The following CREB5 variants were observed in gnomAD, a reference collection of about 807,000 sequenced individuals.
CREB5 encodes cAMP responsive element binding protein 5.
In CREB5, 19 loss-of-function variants were observed where a neutral mutation model predicts 57.1. That is an observed-to-expected ratio of 0.33 (90% CI 0.23 to 0.49). CREB5 has a LOEUF of 0.49. Among genes scored for constraint, CREB5 ranks in the 20% least tolerant of loss-of-function variants. CREB5 has a pLI of 0.99. For synonymous variants in CREB5, 238 were observed against 238.3 expected, an observed-to-expected ratio of 1.00 and a Z score of 0.01; for missense variants, 579 against 671.6, an observed-to-expected ratio of 0.86 and a Z score of 1.52.
intron 1 of CREB5, among the ~76,000 whole-genome samples, chr7:28,486,283 A>G (rs1296510016): frequency 6.6e-6 from 1 of 152,160 alleles, no homozygotes; most frequent in African/African-American, 2.4e-5. Flanking sequence ...TTCCCGAAGA[A>G]TATTGTCAAA....
intron 1 of CREB5, among the ~76,000 whole-genome samples, chr7:28,454,220 T>A (rs1475825597): frequency 1.3e-5 from 2 of 152,196 alleles, no homozygotes; most frequent in Non-Finnish European, 2.9e-5. Context: ...CCCAAAGTGC[T>A]GGGTTTACAG....
intron 5 of CREB5, among the ~76,000 whole-genome samples, chr7:28,717,086 C>T (rs200852694): frequency 2.9e-4 from 32 of 110,192 alleles, no homozygotes; most frequent in South Asian, 6.1e-4. Flanking sequence ...GCTTTATATT[C>T]TTTTTTTTTT....
At chr7:28,445,767 G>T (rs1227818759) in intron 1 of CREB5, among the ~76,000 whole-genome samples, 1 of 151,652 alleles carries the variant, frequency 6.6e-6, no homozygotes, top group Non-Finnish European at 1.5e-5. Context: ...TAGCCAGGAT[G>T]ATCTCGATCT....
At chr7:28,460,575 G>A (rs1246873186) in intron 1 of CREB5, among the ~76,000 whole-genome samples, 1 of 152,184 alleles carries the variant, frequency 6.6e-6, no homozygotes, top group Non-Finnish European at 1.5e-5. Flanking sequence ...AAGGGCAAAA[G>A]GGCATGGAAA....
intron 1 of CREB5, among the ~76,000 whole-genome samples, chr7:28,366,479 C>T (rs754822957): frequency 6.6e-6 from 1 of 151,998 alleles, no homozygotes; most frequent in Non-Finnish European, 1.5e-5. Flanking sequence ...AGCATTAATC[C>T]TCTCCATATT....
chr7:28,754,728 T>C (rs1805192251), intron 7 of CREB5, among the ~76,000 whole-genome samples: 1 of 151,714 alleles, frequency 6.6e-6, no homozygotes, highest in Non-Finnish European at 1.5e-5. Context: ...AACTTCACTC[T>C]TTTTTTTCCC....
chr7:28,650,012 G>A (rs1291192486), intron 5 of CREB5, among the ~76,000 whole-genome samples: 2 of 152,168 alleles, frequency 1.3e-5, no homozygotes, highest in African/African-American at 4.8e-5. Context: ...CACAAGGAAT[G>A]TGCAAAACCG....
chr7:28,420,099 A>T (rs968460494), intron 1 of CREB5, among the ~76,000 whole-genome samples: 24 of 150,148 alleles, frequency 1.6e-4, no homozygotes. Flanking sequence ...GCAAAGTACA[A>T]TTTTTTTTTT....
intron 3 of CREB5, among the ~76,000 whole-genome samples, chr7:28,496,281 T>C (rs1315642001): frequency 6.6e-6 from 1 of 152,220 alleles, no homozygotes; most frequent in Non-Finnish European, 1.5e-5. Context: ...TTAAATGTAT[T>C]AGAAGAGAAA....
intron 7 of CREB5, among the ~76,000 whole-genome samples, chr7:28,779,532 G>A (rs748205869): frequency 5.3e-5 from 8 of 152,234 alleles, no homozygotes; most frequent in African/African-American, 1.2e-4. Context: ...GACAGTTCCC[G>A]TGTTTTTCTT....
intron 5 of CREB5, among the ~76,000 whole-genome samples, chr7:28,653,576 T>A (rs1799223442): frequency 6.6e-6 from 1 of 152,224 alleles, no homozygotes; most frequent in Non-Finnish European, 1.5e-5. Context: ...ATTATTTACC[T>A]GTCAGGTATA....
At chr7:28,809,443 C>T (rs1019749812) in intron 9 of CREB5, 29 bp downstream of exon 9, 4 of 1,559,184 alleles carry the variant, frequency 2.6e-6, no homozygotes, top group African/African-American at 1.4e-5. Context: ...TTCCCCGCGA[C>T]TCAAAGGCCC....
At chr7:28,684,269 C>T (rs886417999) in intron 5 of CREB5, among the ~76,000 whole-genome samples, 4 of 152,174 alleles carry the variant, frequency 2.6e-5, no homozygotes, top group Non-Finnish European at 4.4e-5. Context: ...CCACATTTGC[C>T]GCTGTCAGGC....
At chr7:28,782,574 A>G (rs1807050749) in intron 7 of CREB5, among the ~76,000 whole-genome samples, 1 of 152,254 alleles carries the variant, frequency 6.6e-6, no homozygotes, top group Admixed American at 6.5e-5. Flanking sequence ...CACCAATTGC[A>G]ACTGATGAGG....
At chr7:28,752,403 G>A (rs780351163) in intron 7 of CREB5, among the ~76,000 whole-genome samples, 1 of 152,176 alleles carries the variant, frequency 6.6e-6, no homozygotes, top group Non-Finnish European at 1.5e-5. Context: ...CTGACCTCAA[G>A]TGGCCCACCT....
At chr7:28,341,704 T>A (rs759410981) in intron 1 of CREB5, among the ~76,000 whole-genome samples, 34 of 152,368 alleles carry the variant, frequency 2.2e-4, no homozygotes, top group South Asian at 2.1e-4. Flanking sequence ...TTACATTGAA[T>A]TGTCCTGGAG....
intron 7 of CREB5, among the ~76,000 whole-genome samples, chr7:28,759,867 C>T (rs1391562094): frequency 1.3e-5 from 2 of 152,118 alleles, no homozygotes; most frequent in Admixed American, 6.6e-5. Context: ...TGTGGTATGC[C>T]GTGGTTGTTT....
intron 1 of CREB5, among the ~76,000 whole-genome samples, chr7:28,453,808 G>T (rs543792709): frequency 2.6e-5 from 4 of 152,274 alleles, no homozygotes; most frequent in African/African-American, 9.6e-5. Flanking sequence ...TGCCCCCAAG[G>T]GCATTGCGAT....
chr7:28,463,875 T>C (rs1172520192), intron 1 of CREB5, among the ~76,000 whole-genome samples: 2 of 152,170 alleles, frequency 1.3e-5, no homozygotes, highest in Non-Finnish European at 2.9e-5. Context: ...TGAATAGAGA[T>C]AGTTTTAATG....
Sources: gnomAD v4.1 joint callset for allele counts (sites outside exome capture counted in the v4.1 genomes callset) on GRCh38, gnomAD v4.1.1 for gene constraint, MANE v1.5 for transcripts, NCBI Gene and HGNC (gene_info 2026-07-23, HGNC 2026-07-21) for gene names.